Variants in CDC5L observed in about 807,000 individuals in gnomAD.
The protein encoded by CDC5L is cell division cycle 5 like, also known as cell division cycle 5-like protein.
In CDC5L, 18 loss-of-function variants were observed where a neutral mutation model predicts 104.1. That is an observed-to-expected ratio of 0.17 (90% CI 0.12 to 0.26). CDC5L has a LOEUF of 0.26. Among genes scored for constraint, CDC5L ranks in the 10% least tolerant of loss-of-function variants. The pLI, the probability that CDC5L is intolerant of heterozygous loss-of-function variation, is 1.00. For synonymous variants in CDC5L, 331 were observed against 322.7 expected (o/e 1.03, Z -0.28); for missense variants, 673 against 956.9 (o/e 0.70, Z 3.91).
intron 8 of CDC5L, among the ~76,000 whole-genome samples, chr6:44,418,880 T>C (rs1792026444): frequency 6.6e-6 from 1 of 151,362 alleles, no homozygotes; most frequent in Admixed American, 6.6e-5. Context: ...TTGAGTTCAT[T>C]GTAGATTCTG....
At chr6:44,401,924 G>A (rs1040795006) in intron 5 of CDC5L, among the ~76,000 whole-genome samples, 10 of 136,190 alleles carry the variant, frequency 7.3e-5, no homozygotes, top group South Asian at 2.5e-4. Flanking sequence ...TTGTTCTTGC[G>A]ATAGTTTACT....
Position 44,411,608 on chromosome 6 carries a change from C to CAGAGAGAGAGAGAGAGAG in CDC5L, c.1092+2989_1092+3006dup, listed in dbSNP as rs1292898511. On this transcript the variant is annotated intron_variant, in intron 8 of 15. Transcript: ENST00000371477. ...TGTTTTTTGTAAATCCTGTGAGAGA[C>CAGAGAGAGAGAGAGAGAG]AGAGAGAGAGAGAGAGAGAGAGAGA... Among the ~76,000 whole-genome samples the CAGAGAGAGAGAGAGAGAG allele has an allele frequency of 5.9e-5, 8 of 135,440 alleles. 4 individuals are homozygous for CAGAGAGAGAGAGAGAGAG. In the East Asian group the frequency reaches 2.8e-3, roughly 47 times the overall value. 88.9% of individuals were successfully genotyped at this position (135,440 alleles called of 152,430 possible).
rs200661802 is a variant in CDC5L, at chr6:44,422,785, T to C, written c.1380T>C (p.Ser460=). 4.3e-6 allele frequency: 7 copies of C among 1,612,050 alleles called. No homozygotes were observed. The Admixed American group carries it at 1.2e-4, about 27-fold the overall frequency. ...CCGAGGATGGAATGGCAGACTATAG[T>C]GATCCCTCTTACGTGAAGCAGATGG... ...INPEDGMADY[S]DPSYVKQMER... The change falls in exon 10 of 16, where the codon AGT becomes AGC. Residue 460 remains serine (S), a synonymous_variant. Transcript: ENST00000371477.
chr6:44,445,517 A>G (rs1793407059), intron 14 of CDC5L, 138 bp from the exon 15 acceptor site: 2 of 614,320 alleles, frequency 3.3e-6, no homozygotes, highest in Admixed American at 6.0e-5. Flanking sequence ...ATATTTTGTT[A>G]CAGTAATTGA....
At chr6:44,436,204 A>G (rs556053190) in intron 14 of CDC5L, among the ~76,000 whole-genome samples, 2 of 152,368 alleles carry the variant, frequency 1.3e-5, no homozygotes, top group East Asian at 3.9e-4. Context: ...CTTCAAGTCT[A>G]TATCACCCTT....
At position 44,448,440 on chromosome 6, in the gene CDC5L, A is replaced by G. The variant is rs1273350649; in HGVS notation, c.*1729A>G. The G allele has an allele frequency of 6.6e-6, 1 of 152,214 alleles. No homozygotes were observed. The highest frequency in any genetic ancestry group is 1.5e-5 in the Non-Finnish European group (1 of 68,040). The allele number at this position is 152,214 out of a possible 1,614,324, so 9.4% of individuals were successfully genotyped here. A position where few individuals can be genotyped will look rare whatever the true frequency, so the allele number is the denominator to read the frequency against. Reference sequence around the variant, plus strand: ...AGTGTGTAAAATCTCACCAGGCTGGAGATAGGGAAGCCAGTCCAATTAGGA... The same window carrying G: ...AGTGTGTAAAATCTCACCAGGCTGGGGATAGGGAAGCCAGTCCAATTAGGA... On this transcript the variant is annotated 3_prime_UTR_variant, in exon 16 of 16. Coordinates refer to ENST00000371477, the MANE Select transcript of CDC5L (RefSeq NM_001253.4).
chr6:44,413,436 A>G (rs1791749637), intron 8 of CDC5L, among the ~76,000 whole-genome samples: 2 of 152,198 alleles, frequency 1.3e-5, no homozygotes, highest in Admixed American at 6.5e-5. Flanking sequence ...ACTGTTAGGA[A>G]TAATGCTGCT....
intron 8 of CDC5L, among the ~76,000 whole-genome samples, chr6:44,413,708 C>T (rs2894572): frequency 0.2 from 30,796 of 151,926 alleles, 4,286 homozygotes; most frequent in East Asian, 0.7. Context: ...CTTGGCCTCC[C>T]GAGTAGCTGG....
At chr6:44,419,677 G>A in intron 9 of CDC5L, 80 bp downstream of exon 9, 1 of 1,032,632 alleles carries the variant, frequency 9.7e-7, no homozygotes. Context: ...AATGTTTACG[G>A]AGAATGACTA....
chr6:44,406,960 A>G (rs11571955), intron 7 of CDC5L, among the ~76,000 whole-genome samples: 1 of 152,170 alleles, frequency 6.6e-6, no homozygotes, highest in African/African-American at 2.4e-5. Flanking sequence ...CCCCACAAGT[A>G]ATTGTGATAT....
In CDC5L at chr6:44,406,410, T is replaced by C; in HGVS notation, c.846T>C (p.Thr282=). 1.2e-6 allele frequency: 2 copies of C among 1,611,626 alleles called. No homozygotes were observed. The highest frequency in any genetic ancestry group is 1.7e-6 in the Non-Finnish European group (2 of 1,178,712). The change falls in exon 7 of 16, where the codon ACT becomes ACC. Residue 282 remains threonine (T), a synonymous_variant. Coordinates refer to ENST00000371477, the MANE Select transcript of CDC5L (RefSeq NM_001253.4). Reference sequence around the variant, plus strand: ...ATTTACCATCAGCTATTCTTCAAACTAGTGGTGTTTCTGAATTTACTAAAA... The same window carrying C: ...ATTTACCATCAGCTATTCTTCAAACCAGTGGTGTTTCTGAATTTACTAAAA... ...ESDLPSAILQ[T]SGVSEFTKKR...
chr6:44,410,859 C>T (rs1001499471), intron 8 of CDC5L, among the ~76,000 whole-genome samples: 1 of 151,978 alleles, frequency 6.6e-6, no homozygotes, highest in Admixed American at 6.5e-5. Context: ...TTATGAACCT[C>T]CAGGTTTTCT....
intron 1 of CDC5L, among the ~76,000 whole-genome samples, chr6:44,388,387 T>G (rs892499555): frequency 6.6e-6 from 1 of 152,130 alleles, no homozygotes; most frequent in Admixed American, 6.5e-5. Context: ...TTATCTGTTA[T>G]CAGGGCATAA....
chr6:44,409,705 G>C (rs1209904103), intron 8 of CDC5L, among the ~76,000 whole-genome samples: 1 of 152,118 alleles, frequency 6.6e-6, no homozygotes, highest in African/African-American at 2.4e-5. Context: ...TCTTTTTGAA[G>C]AAATCTTTCT....
chr6:44,414,140 C>A (rs1791792854), intron 8 of CDC5L, among the ~76,000 whole-genome samples: 1 of 152,108 alleles, frequency 6.6e-6, no homozygotes, highest in Non-Finnish European at 1.5e-5. Flanking sequence ...AGTGCAGTGG[C>A]ACCATTATGG....
At chr6:44,406,254 T>G in intron 6 of CDC5L, 69 bp from the exon 7 acceptor site, 1 of 1,160,614 alleles carries the variant, frequency 8.6e-7, no homozygotes, top group Non-Finnish European at 1.2e-6. Flanking sequence ...GTTTGAGTAT[T>G]TGTATGGATT....
At chr6:44,424,767 A>G (rs1276637267) in intron 11 of CDC5L, among the ~76,000 whole-genome samples, 184 bp downstream of exon 11, 1 of 152,218 alleles carries the variant, frequency 6.6e-6, no homozygotes, top group African/African-American at 2.4e-5. Context: ...TACTCACAAT[A>G]TTTTGATGAG....
At chr6:44,417,190 G>A (rs987477400) in intron 8 of CDC5L, among the ~76,000 whole-genome samples, 2 of 152,238 alleles carry the variant, frequency 1.3e-5, no homozygotes, top group East Asian at 3.9e-4. Context: ...ATGGATAGGG[G>A]ATAGAGTCAT....
chr6:44,419,848 G>A (rs879783436), intron 9 of CDC5L, among the ~76,000 whole-genome samples: 4 of 151,632 alleles, frequency 2.6e-5, no homozygotes, highest in Admixed American at 6.6e-5. Flanking sequence ...CTCAGCTTAC[G>A]GAACCCCTCT....
Sources: allele counts gnomAD v4.1 joint callset (sites outside exome capture counted in the v4.1 genomes callset), GRCh38; gene constraint gnomAD v4.1.1; transcripts MANE v1.5; gene names NCBI Gene and HGNC (gene_info 2026-07-23, HGNC 2026-07-21).